The following SMIM10L3 variants were observed in gnomAD, a reference collection of about 807,000 sequenced individuals.
The protein encoded by SMIM10L3 is small integral membrane protein 10 like 3, also known as salivary gland specific protein SAGSIN1.
the SMIM10L3 span, chr7:6,330,182 A>C: frequency 1.6e-6 from 1 of 610,270 alleles, no homozygotes; most frequent in Non-Finnish European, 2.9e-6. Flanking sequence ...AGCACAATTT[A>C]ACACATGCCA....
chr7:6,345,174 G>C, the SMIM10L3 span, among the ~76,000 whole-genome samples: 2 of 151,866 alleles, frequency 1.3e-5, no homozygotes, highest in South Asian at 2.1e-4. Flanking sequence ...CTGGTGTGCA[G>C]CATCATGATC....
At chr7:6,341,775 A>C in the SMIM10L3 span, 5 of 151,994 alleles carry the variant, frequency 3.3e-5, no homozygotes, top group Non-Finnish European at 5.9e-5. Flanking sequence ...AGGTGGGTAG[A>C]TCACCTGAGG....
chr7:6,336,104 CGGA>C, the SMIM10L3 span, among the ~76,000 whole-genome samples: 3 of 148,492 alleles, frequency 2.0e-5, no homozygotes, highest in Non-Finnish European at 4.4e-5. Context: ...ACCTGGGAGG[CGGA>C]GGTTACAGTA....
the SMIM10L3 span, chr7:6,330,346 T>A: frequency 6.4e-7 from 1 of 1,569,312 alleles, no homozygotes; most frequent in Non-Finnish European, 8.6e-7. Flanking sequence ...CTCTTAAAAT[T>A]AATCTATTGG....
chr7:6,341,620 G>T, the SMIM10L3 span, among the ~76,000 whole-genome samples: 1 of 151,034 alleles, frequency 6.6e-6, no homozygotes, highest in Admixed American at 6.6e-5. Context: ...AACCCAGGAG[G>T]TGGAGCTTGC....
chr7:6,332,980 G>A, the SMIM10L3 span, among the ~76,000 whole-genome samples: 109 of 152,088 alleles, frequency 7.2e-4, 2 homozygotes, highest in East Asian at 0.021. Flanking sequence ...TCAACATGGT[G>A]AAACCCTGTC....
chr7:6,331,051 G>T, the SMIM10L3 span: 7 of 1,613,700 alleles, frequency 4.3e-6, no homozygotes, highest in Non-Finnish European at 5.1e-6. Context: ...AGGGCCCTCC[G>T]GCATTCTTTT....
At chr7:6,330,695 G>A in the SMIM10L3 span, 7 of 1,614,072 alleles carry the variant, frequency 4.3e-6, no homozygotes, top group African/African-American at 1.3e-5. Flanking sequence ...CGTGGCAGTC[G>A]TGACACCCGA....
chr7:6,331,006 G>A, the SMIM10L3 span: 1 of 1,614,192 alleles, frequency 6.2e-7, no homozygotes, highest in Non-Finnish European at 8.5e-7. Context: ...ATCAACCACA[G>A]GCTTATTCAT....
the SMIM10L3 span, among the ~76,000 whole-genome samples, chr7:6,345,901 T>G: frequency 1.5e-3 from 235 of 152,142 alleles, no homozygotes; most frequent in Non-Finnish European, 1.4e-3. Flanking sequence ...ACCATGTAGC[T>G]GGGATTACAG....
chr7:6,330,836 A>C, the SMIM10L3 span: 1 of 1,614,170 alleles, frequency 6.2e-7, no homozygotes, highest in Non-Finnish European at 8.5e-7. Context: ...GGAGCAGGGA[A>C]CAAACCCACG....
At chr7:6,337,794 A>ATTATTTATTTATTTAT in the SMIM10L3 span, among the ~76,000 whole-genome samples, 36 of 150,564 alleles carry the variant, frequency 2.4e-4, no homozygotes, top group Non-Finnish European at 4.9e-4. Flanking sequence ...ATTTCAATAC[A>ATTATTTATTTATTTAT]TTATTTATTT....
the SMIM10L3 span, among the ~76,000 whole-genome samples, chr7:6,339,444 A>G: frequency 2.5e-4 from 38 of 152,246 alleles, no homozygotes; most frequent in Non-Finnish European, 4.3e-4. Flanking sequence ...CTCCATAAAA[A>G]ATAAATCATC....
the SMIM10L3 span, among the ~76,000 whole-genome samples, chr7:6,337,027 GA>G: frequency 6.6e-6 from 1 of 151,830 alleles, no homozygotes. Flanking sequence ...TAAACGGAAG[GA>G]TTCCTAAATA....
At chr7:6,334,431 G>C in the SMIM10L3 span, among the ~76,000 whole-genome samples, 1 of 151,810 alleles carries the variant, frequency 6.6e-6, no homozygotes, top group Admixed American at 6.6e-5. Context: ...TGCTACTCGG[G>C]AGGGTGAGGC....
At chr7:6,331,244 G>C in the SMIM10L3 span, 1 of 1,325,898 alleles carries the variant, frequency 7.5e-7, no homozygotes, top group Non-Finnish European at 1.0e-6. Context: ...ACCTAGGAAA[G>C]GGAATCAAAT....
the SMIM10L3 span, among the ~76,000 whole-genome samples, chr7:6,335,784 C>G: frequency 6.6e-6 from 1 of 152,054 alleles, no homozygotes; most frequent in Non-Finnish European, 1.5e-5. Context: ...CCTGTCATCC[C>G]AACACTTTGG....
chr7:6,334,068 T>TCG, the SMIM10L3 span, among the ~76,000 whole-genome samples: 128 of 151,114 alleles, frequency 8.5e-4, 1 homozygote, highest in South Asian at 0.012. Flanking sequence ...GGATGGAATC[T>TCG]ATCTCCTGAC....
chr7:6,338,332 G>A, the SMIM10L3 span, among the ~76,000 whole-genome samples: 1 of 152,010 alleles, frequency 6.6e-6, no homozygotes, highest in Non-Finnish European at 1.5e-5. Context: ...TACAAAATCA[G>A]CTCTTTTTGG....
Sources: gnomAD v4.1 joint callset for allele counts (sites outside exome capture counted in the v4.1 genomes callset) on GRCh38, gnomAD v4.1.1 for gene constraint, MANE v1.5 for transcripts, NCBI Gene and HGNC (gene_info 2026-07-23, HGNC 2026-07-21) for gene names.